OR56A3: variants seen among roughly 807,000 people sequenced by gnomAD.
OR56A3 encodes olfactory receptor family 56 subfamily A member 3.
In OR56A3, 23 loss-of-function variants were observed where a neutral mutation model predicts 17.5. The ratio of observed to expected loss-of-function variants is 1.32; its 90% CI spans 0.95 to 1.87. The LOEUF (loss-of-function observed/expected upper bound fraction) is 1.87. Ranked by LOEUF, OR56A3 falls within the 40% of genes most tolerant of loss-of-function variation. The probability of loss-of-function intolerance (pLI) is 0.00; values close to 1 mark genes in which losing one functional copy is unlikely to be tolerated. For missense variants in OR56A3, 366 were observed against 380.1 expected (o/e 0.96, Z 0.31); for synonymous variants, 175 against 150.6 (o/e 1.16, Z -1.19).
At chr11:5,959,982 A>T in the OR56A3 span, among the ~76,000 whole-genome samples, 1 of 152,194 alleles carries the variant, frequency 6.6e-6, no homozygotes, top group East Asian at 1.9e-4. Flanking sequence ...TTTTAAATGA[A>T]TAGATTTATT....
At chr11:5,997,679 C>T in the OR56A3 span, among the ~76,000 whole-genome samples, 29 of 152,292 alleles carry the variant, frequency 1.9e-4, no homozygotes, top group African/African-American at 6.7e-4. Context: ...ATCTTATATA[C>T]TTGAAAAACA....
chr11:5,998,583 T>C, the OR56A3 span, among the ~76,000 whole-genome samples: 33,661 of 152,146 alleles, frequency 0.22, 4,224 homozygotes, highest in Middle Eastern at 0.3. Flanking sequence ...TCAGGTGAAG[T>C]GCCAAGTGAC....
At chr11:5,957,687 T>C in the OR56A3 span, among the ~76,000 whole-genome samples, 2 of 152,180 alleles carry the variant, frequency 1.3e-5, no homozygotes, top group Non-Finnish European at 2.9e-5. Flanking sequence ...CCAGAAAGTG[T>C]TTTCCATATG....
the OR56A3 span, among the ~76,000 whole-genome samples, chr11:5,961,269 A>G: frequency 5.3e-5 from 8 of 152,268 alleles, no homozygotes; most frequent in Non-Finnish European, 1.2e-4. Context: ...CAGCTCATTG[A>G]GAACGGGCCA....
the OR56A3 span, chr11:6,003,148 T>A: frequency 6.4e-7 from 1 of 1,551,824 alleles, no homozygotes; most frequent in African/African-American, 1.4e-5. Flanking sequence ...ACTGTCATCA[T>A]CCTCCCTTAT....
the OR56A3 span, among the ~76,000 whole-genome samples, chr11:5,992,636 A>G: frequency 1.3e-5 from 2 of 152,032 alleles, no homozygotes; most frequent in Non-Finnish European, 2.9e-5. Flanking sequence ...AAGGGCCTCA[A>G]CCCCCTTGCC....
the OR56A3 span, among the ~76,000 whole-genome samples, chr11:6,011,249 G>A: frequency 7.2e-6 from 1 of 138,196 alleles, no homozygotes; most frequent in Non-Finnish European, 1.6e-5. Context: ...TTAACAGCTG[G>A]GGAATTTTTT....
At chr11:6,002,952 TC>T in the OR56A3 span, 5 of 1,613,740 alleles carry the variant, frequency 3.1e-6, no homozygotes, top group Non-Finnish European at 4.2e-6. Context: ...GAGGAGGAAT[TC>T]AGAGACTGGG....
At chr11:5,977,109 C>A in the OR56A3 span, among the ~76,000 whole-genome samples, 2 of 152,080 alleles carry the variant, frequency 1.3e-5, no homozygotes, top group African/African-American at 4.8e-5. Flanking sequence ...TTATCCAACC[C>A]ACTGTTGATG....
the OR56A3 span, among the ~76,000 whole-genome samples, chr11:5,982,983 C>T: frequency 6.6e-6 from 1 of 152,030 alleles, no homozygotes; most frequent in African/African-American, 2.4e-5. Flanking sequence ...GCTCTCAATT[C>T]CTCCCTTCCA....
chr11:5,967,902 T>G, the OR56A3 span: 1 of 1,589,860 alleles, frequency 6.3e-7, no homozygotes, highest in African/African-American at 1.3e-5. Flanking sequence ...GTAGCTCTGA[T>G]TCAAGGTGAT....
At chr11:5,967,683 A>G in the OR56A3 span, 10,081 of 1,613,878 alleles carry the variant, frequency 6.2e-3, 51 homozygotes, top group Non-Finnish European at 6.4e-3. Flanking sequence ...ATCCGGAGGA[A>G]TTCTCTTCCT....
At chr11:5,986,987 GAGA>G in the OR56A3 span, 1 of 1,534,876 alleles carries the variant, frequency 6.5e-7, no homozygotes, top group African/African-American at 1.4e-5. Flanking sequence ...CCATCATCCT[GAGA>G]AGAATAAAGT....
downstream of OR56A3, among the ~76,000 whole-genome samples, chr11:5,952,928 A>G (rs1235972336): frequency 1.3e-5 from 2 of 152,058 alleles, no homozygotes; most frequent in Non-Finnish European, 2.9e-5. Context: ...TCCTGTGTTA[A>G]TTTACTTAGG....
chr11:6,013,386 T>C, the OR56A3 span, among the ~76,000 whole-genome samples: 3 of 152,218 alleles, frequency 2.0e-5, no homozygotes, highest in East Asian at 5.8e-4. Context: ...GGGGAGGCAA[T>C]TGTTGGGGGG....
At chr11:6,005,139 C>A in the OR56A3 span, among the ~76,000 whole-genome samples, 1 of 152,044 alleles carries the variant, frequency 6.6e-6, no homozygotes, top group African/African-American at 2.4e-5. Flanking sequence ...GCCCAGTTTT[C>A]TCACAAATGA....
chr11:5,992,980 G>C, the OR56A3 span, among the ~76,000 whole-genome samples: 2 of 152,150 alleles, frequency 1.3e-5, no homozygotes, highest in Non-Finnish European at 2.9e-5. Context: ...GTCATGGGAT[G>C]ACATATATTA....
chr11:5,968,779 G>A, the OR56A3 span, among the ~76,000 whole-genome samples: 148 of 152,020 alleles, frequency 9.7e-4, no homozygotes, highest in African/African-American at 3.4e-3. Flanking sequence ...AAAACATACT[G>A]TAAAATACAA....
the OR56A3 span, among the ~76,000 whole-genome samples, chr11:5,965,060 A>G: frequency 6.6e-6 from 1 of 152,320 alleles, no homozygotes; most frequent in African/African-American, 2.4e-5. Context: ...TCCATTTCCT[A>G]TGGGAGGAAA....
Sources: gnomAD v4.1 joint callset for allele counts (sites outside exome capture counted in the v4.1 genomes callset) on GRCh38, gnomAD v4.1.1 for gene constraint, MANE v1.5 for transcripts, NCBI Gene and HGNC (gene_info 2026-07-23, HGNC 2026-07-21) for gene names.